The following UROS variants were observed in gnomAD, a reference collection of about 807,000 sequenced individuals.
The protein encoded by UROS is uroporphyrinogen III synthase, also known as uroporphyrinogen-III synthase.
A neutral mutation model predicts 33.0 loss-of-function variants in UROS; 18 were observed. That is an observed-to-expected ratio of 0.55 (90% CI 0.38 to 0.81). The LOEUF is 0.81. Among genes scored for constraint, UROS ranks in the 30% least tolerant of loss-of-function variants. The pLI is 0.00. For synonymous variants in UROS, 114 were observed against 121.1 expected, an observed-to-expected ratio of 0.94 and a Z score of 0.38; for missense variants, 293 against 314.9, an observed-to-expected ratio of 0.93 and a Z score of 0.53.
At chr10:125,815,509 G>C (rs894979484) in intron 3 of UROS, among the ~76,000 whole-genome samples, 13 of 152,160 alleles carry the variant, frequency 8.5e-5, no homozygotes, top group Admixed American at 3.3e-4. Flanking sequence ...GGAATATTCA[G>C]GGGGTGATAT....
At chr10:125,788,052 G>A (rs1222784224), downstream of UROS, among the ~76,000 whole-genome samples, 1 of 152,194 alleles carries the variant, frequency 6.6e-6, no homozygotes. Flanking sequence ...GGAGATCAGA[G>A]ACGGGGAGCC....
chr10:125,799,658 C>G (rs1851653770), intron 6 of UROS, among the ~76,000 whole-genome samples: 1 of 152,188 alleles, frequency 6.6e-6, no homozygotes, highest in Non-Finnish European at 1.5e-5. Flanking sequence ...AGCTGCTTGT[C>G]TCTATCTCTC....
intron 6 of UROS, among the ~76,000 whole-genome samples, chr10:125,803,618 C>T (rs759521099): frequency 1.3e-5 from 2 of 152,320 alleles, no homozygotes; most frequent in Middle Eastern, 3.4e-3. Flanking sequence ...TAGTGATGCC[C>T]GCTAAGAGGG....
Position 125,794,965 on chromosome 10 carries a change from C to T in UROS, c.575G>A (p.Ser192Asn). ...GCCAGAGGGACTAAAAAATGTGATG[C>T]TGGCTGGAACCCCCTGTGGGGAACA... ...SYYSQQGVPA[S>N]ITFFSPSGLT... The change falls in exon 9 of 10, where the codon AGC (serine) becomes AAC (asparagine). Residue 192 changes from serine to asparagine, a missense_variant. Physicochemically the swap from Ser to Asn is conservative, Grantham distance 46. Transcript: ENST00000368797. The T allele has an allele frequency of 2.5e-6, 4 of 1,614,150 alleles. No individual in the cohort carries two copies. The highest frequency in any genetic ancestry group is 1.1e-5 in the South Asian group (1 of 91,086).
intron 1 of UROS, among the ~76,000 whole-genome samples, chr10:125,818,974 T>A (rs1853605723): frequency 7.1e-6 from 1 of 141,036 alleles, no homozygotes; most frequent in Non-Finnish European, 1.6e-5. Flanking sequence ...CTTTCTTTCC[T>A]GTTCTAAAGT....
downstream of UROS, among the ~76,000 whole-genome samples, chr10:125,787,640 C>A (rs1850672968): frequency 6.6e-6 from 1 of 152,144 alleles, no homozygotes; most frequent in Admixed American, 6.5e-5. Flanking sequence ...AGTTCCTGGG[C>A]AAATCTATTT....
rs1783475886 is a variant in UROS, at chr10:125,807,461, C to T, written c.346G>A (p.Gly116Arg). Reference sequence around the variant, plus strand: ...TTTTCTGCATTTCCACAGGTTTCTCCTTCTGTATCCAGGCCAATTTTACTC... The same window carrying T: ...TTTTCTGCATTTCCACAGGTTTCTCTTTCTGTATCCAGGCCAATTTTACTC... Reference protein sequence around the residue: ...LVSKIGLDTEGETCGNAEKLA... With the variant: ...LVSKIGLDTERETCGNAEKLA... The change falls in exon 6 of 10, where the codon GGA (glycine) becomes AGA (arginine). Residue 116 changes from glycine to arginine, a missense_variant. Transcript: ENST00000368797. The T allele has an allele frequency of 1.2e-6, 2 of 1,613,980 alleles. No homozygotes were observed. Among genetic ancestry groups the T allele is most frequent in the East Asian group, 2.2e-5 (1 of 44,894 alleles).
rs1326705188 is a variant in UROS, at chr10:125,820,239, C to T, written c.-27+2790G>A. On this transcript the variant is annotated intron_variant, in intron 1 of 9. Transcript: ENST00000368797. ...GGAGGCTGAGAAGTCCCATGATCTG[C>T]TGTCTGCAAGCTGGAGACTTGTTAG... Among the ~76,000 whole-genome samples, 3 of 152,152 alleles carry T rather than the reference C, an allele frequency of 2.0e-5. No individual in the cohort carries two copies. The East Asian group carries it at 5.8e-4, about 29-fold the overall frequency.
At chr10:125,796,691 G>A in intron 7 of UROS, 1 of 782,454 alleles carries the variant, frequency 1.3e-6, no homozygotes, top group Non-Finnish European at 1.6e-6. Context: ...ATTAAGCCGT[G>A]GACTTTCCCA....
intron 6 of UROS, among the ~76,000 whole-genome samples, chr10:125,803,329 T>C (rs755359798): frequency 7.9e-5 from 12 of 152,268 alleles, no homozygotes; most frequent in Non-Finnish European, 1.6e-4. Flanking sequence ...AACTCCCTGA[T>C]AGCATTTCTG....
intron 6 of UROS, chr10:125,802,991 T>C (rs1851968434): frequency 3.1e-6 from 5 of 1,612,820 alleles, no homozygotes; most frequent in South Asian, 2.2e-5. Flanking sequence ...AAACCCACTT[T>C]CTTCACTTCA....
intron 9 of UROS, chr10:125,791,681 T>G (rs927515105): frequency 6.6e-6 from 1 of 152,180 alleles, no homozygotes; most frequent in Admixed American, 6.5e-5. Flanking sequence ...TGGATGAACC[T>G]TGAAAACACT....
chr10:125,802,413 C>A, intron 6 of UROS: 1 of 985,826 alleles, frequency 1.0e-6, no homozygotes, highest in Non-Finnish European at 1.2e-6. Context: ...GAAAATGACC[C>A]CCAGCAATCC....
At chr10:125,795,545 T>A (rs1851281470) in intron 8 of UROS, among the ~76,000 whole-genome samples, 1 of 151,980 alleles carries the variant, frequency 6.6e-6, no homozygotes, top group South Asian at 2.1e-4. Flanking sequence ...CCTGCCTGAG[T>A]CCTCCAACAG....
intron 6 of UROS, 126 bp from the exon 7 acceptor site, chr10:125,798,271 CT>C: frequency 1.1e-6 from 1 of 930,024 alleles, no homozygotes; most frequent in Non-Finnish European, 1.7e-6. Flanking sequence ...GCTTCTAGGA[CT>C]CAGTTTCAGC....
intron 7 of UROS, 44 bp from the exon 8 acceptor site, chr10:125,796,232 C>T (rs1332737495): frequency 6.3e-7 from 1 of 1,579,086 alleles, no homozygotes; most frequent in East Asian, 2.2e-5. Context: ...GCACTGGGCA[C>T]ACAATGGGGC....
intron 6 of UROS, chr10:125,802,808 C>T (rs1030463420): frequency 3.2e-5 from 47 of 1,459,328 alleles, no homozygotes; most frequent in Non-Finnish European, 3.8e-5. Context: ...GGCATCTGTG[C>T]GAGGCCCTGT....
chr10:125,816,837 A>G (rs1054590335), intron 1 of UROS, among the ~76,000 whole-genome samples: 28 of 152,228 alleles, frequency 1.8e-4, no homozygotes, highest in Non-Finnish European at 3.8e-4. Context: ...GGGTTGTATC[A>G]ACAACAAACA....
At chr10:125,801,602 T>C (rs1443391464) in intron 6 of UROS, among the ~76,000 whole-genome samples, 1 of 152,226 alleles carries the variant, frequency 6.6e-6, no homozygotes, top group South Asian at 2.1e-4. Context: ...TGAAGGTCCT[T>C]ATTAGCAGTC....
Sources: gnomAD v4.1 joint callset for allele counts (sites outside exome capture counted in the v4.1 genomes callset) on GRCh38, gnomAD v4.1.1 for gene constraint, MANE v1.5 for transcripts, NCBI Gene and HGNC (gene_info 2026-07-23, HGNC 2026-07-21) for gene names.